Variants in FBXO32 observed in about 807,000 individuals in gnomAD.
The protein encoded by FBXO32 is F-box only protein 32.
Under a neutral mutation model 48.3 loss-of-function variants are expected in FBXO32, and 15 were observed. The ratio of observed to expected loss-of-function variants is 0.31; its 90% CI spans 0.21 to 0.48. FBXO32 has a LOEUF of 0.48. Ranked by LOEUF, FBXO32 falls within the 20% of genes least tolerant of loss-of-function variation. FBXO32 has a pLI of 0.99. For missense variants in FBXO32, 309 were observed against 432.7 expected, an observed-to-expected ratio of 0.71 and a Z score of 2.54; for synonymous variants, 154 against 165.9, an observed-to-expected ratio of 0.93 and a Z score of 0.55.
At chr8:123,531,107 G>A (rs1817198574) in intron 4 of FBXO32, among the ~76,000 whole-genome samples, 1 of 150,664 alleles carries the variant, frequency 6.6e-6, no homozygotes. Flanking sequence ...AGCCTCCCAA[G>A]TAGCTGGGAT....
rs141560366 is a variant in FBXO32 at position 123,526,071 on chromosome 8, T to A, written c.372+5827A>T. ...GTGTTTATAAACTTCTTACTACACA[T>A]GACTAACACTCATAAACTGCTTATC... On this transcript the variant is annotated intron_variant, in intron 4 of 8. Transcript: ENST00000517956. Among the ~76,000 whole-genome samples, 6 of 152,252 alleles carry A rather than the reference T, an allele frequency of 3.9e-5. No homozygotes were observed. In the East Asian group the frequency reaches 1.2e-3, roughly 29 times the overall value.
chr8:123,527,611 A>G (rs1399726469), intron 4 of FBXO32, among the ~76,000 whole-genome samples: 2 of 152,220 alleles, frequency 1.3e-5, no homozygotes, highest in African/African-American at 4.8e-5. Context: ...CCCCAACTGT[A>G]TCTGGCCCAT....
intron 4 of FBXO32, among the ~76,000 whole-genome samples, chr8:123,518,729 T>C (rs1816888691): frequency 6.6e-6 from 1 of 152,218 alleles, no homozygotes; most frequent in Non-Finnish European, 1.5e-5. Context: ...TTGAGGATAT[T>C]GAGGCTCAGA....
At chr8:123,524,028 A>G (rs1170975993) in intron 4 of FBXO32, among the ~76,000 whole-genome samples, 3 of 152,210 alleles carry the variant, frequency 2.0e-5, no homozygotes, top group African/African-American at 7.2e-5. Context: ...TATGAGTTAT[A>G]AGTGAATTTA....
intron 4 of FBXO32, among the ~76,000 whole-genome samples, chr8:123,515,458 A>T (rs1816821541): frequency 6.8e-6 from 1 of 147,390 alleles, no homozygotes. Flanking sequence ...CACGTTGGCC[A>T]GGCTGCTCTC....
intron 6 of FBXO32, among the ~76,000 whole-genome samples, chr8:123,510,836 C>T (rs772099146): frequency 6.6e-6 from 1 of 152,122 alleles, no homozygotes; most frequent in Non-Finnish European, 1.5e-5. Flanking sequence ...GTTTATAAGC[C>T]CATGGACAGA....
chr8:123,540,304 C>G lies in FBXO32; in HGVS notation c.116+595G>C, dbSNP rs1327254558. 6.6e-6 allele frequency among the ~76,000 whole-genome samples: 1 copy of G among 152,226 alleles called. No individual in the cohort carries two copies. The highest frequency in any genetic ancestry group is 1.5e-5 in the Non-Finnish European group (1 of 68,042). ...TCTGCAGCCCCAAGCCTCCACCGCT[C>G]GCAAGTCCGCCCAGTAAGCGGCTGC... On this transcript the variant is annotated intron_variant, in intron 1 of 8. Transcript: ENST00000517956. This position sits in a 1 kb window ranked among gnomAD's most constrained non-coding sequence, Gnocchi z 6.4.
At chr8:123,516,436 G>A (rs7000759) in intron 4 of FBXO32, among the ~76,000 whole-genome samples, 8,485 of 152,188 alleles carry the variant, frequency 0.056, 303 homozygotes, top group African/African-American at 0.099. Context: ...CCTCAGCCCA[G>A]CTTCATTTCA....
rs1816632424 is a variant in FBXO32, at chr8:123,506,718, C to T, written c.652-144G>A. ...GGTCGAAAGCAGTAGTAAATCTCCC[C>T]ATCCTAAATGCAGACAGGAGACCAT... On this transcript the variant is annotated intron_variant, in intron 6 of 8. Transcript: ENST00000517956. The surrounding 1 kb of genome is among the most constrained non-coding windows in gnomAD (Gnocchi z 4.0). 1 of 662,270 alleles carries T rather than the reference C, an allele frequency of 1.5e-6. No homozygotes were observed. Among genetic ancestry groups the T allele is most frequent in the Non-Finnish European group, 2.6e-6 (1 of 382,614 alleles). The allele number at this position is 662,270 out of a possible 1,614,324, so 41.0% of individuals were successfully genotyped here. A position where few individuals can be genotyped will look rare whatever the true frequency, so the allele number is the denominator to read the frequency against.
intron 4 of FBXO32, 35 bp downstream of exon 4, chr8:123,531,863 G>A (rs772216785): frequency 6.2e-7 from 1 of 1,607,126 alleles, no homozygotes; most frequent in Non-Finnish European, 8.5e-7. Flanking sequence ...ACTTGGGAAA[G>A]AGCCTGGATG....
chr8:123,529,132 G>A (rs1272083917), intron 4 of FBXO32, among the ~76,000 whole-genome samples: 2 of 152,102 alleles, frequency 1.3e-5, no homozygotes, highest in Non-Finnish European at 2.9e-5. Context: ...GGGAAAAATT[G>A]TTCTTTGCAA....
At chr8:123,533,809 C>T (rs1235600869) in intron 2 of FBXO32, among the ~76,000 whole-genome samples, 1 of 150,414 alleles carries the variant, frequency 6.6e-6, no homozygotes, top group Non-Finnish European at 1.5e-5. Flanking sequence ...CTCCGTCCCC[C>T]CGCAAAAATG....
At position 123,540,374 on chromosome 8, in the gene FBXO32, G is replaced by A. The variant is rs139804283; in HGVS notation, c.116+525C>T. On this transcript the variant is annotated intron_variant, in intron 1 of 8. Transcript: ENST00000517956. The surrounding 1 kb of genome is among the most constrained non-coding windows in gnomAD (Gnocchi z 6.4). ...TCCCTTCCTGGTTACTCATCCTCCC[G>A]GCCACTTCGTGGTTGCCCGTGCCTG... Among the ~76,000 whole-genome samples the A allele has an allele frequency of 8.0e-4, 122 of 152,330 alleles. 2 individuals carry two copies. The East Asian group carries it at 9.3e-3, about 12-fold the overall frequency.
At chr8:123,512,008 T>C (rs1010141306) in intron 6 of FBXO32, among the ~76,000 whole-genome samples, 2 of 152,232 alleles carry the variant, frequency 1.3e-5, no homozygotes, top group African/African-American at 4.8e-5. Context: ...GGTCAGACTA[T>C]CTGCCTACAC....
rs1348696770 is a variant in FBXO32 at position 123,539,914 on chromosome 8, G to GC, written c.116+984dup. ...AGTCCATTCTGGAATCACTTTCATCGCCCCCGCTCACCGGGCTAAATGCTG... is the reference window on the plus strand; with the variant it reads ...AGTCCATTCTGGAATCACTTTCATCGCCCCCCGCTCACCGGGCTAAATGCTG... On this transcript the variant is annotated intron_variant, in intron 1 of 8. Transcript: ENST00000517956. Among the ~76,000 whole-genome samples the GC allele has an allele frequency of 2.2e-4, 34 of 152,222 alleles. No individual in the cohort carries two copies. In the Middle Eastern group the frequency reaches 0.014, roughly 61 times the overall value.
chr8:123,519,641 G>A (rs1469179855), intron 4 of FBXO32, among the ~76,000 whole-genome samples: 1 of 151,730 alleles, frequency 6.6e-6, no homozygotes, highest in Non-Finnish European at 1.5e-5. Context: ...TGCTCAGAAA[G>A]TGCTACCAGC....
chr8:123,504,600 A>C lies in FBXO32; in HGVS notation c.978+4T>G. ...TCTGTGGCAGCCACCTCTGAGACAC[A>C]TACCTTCCAGGAAAGGATGTGACAG... On this transcript the variant is annotated splice_donor_region_variant and intron_variant, in intron 8 of 8. Coordinates refer to ENST00000517956, the MANE Select transcript of FBXO32 (RefSeq NM_058229.4). 1 of 1,612,218 alleles carries C rather than the reference A, an allele frequency of 6.2e-7. No homozygotes were observed. Among genetic ancestry groups the C allele is most frequent in the Non-Finnish European group, 8.5e-7 (1 of 1,179,198 alleles).
At chr8:123,530,061 G>A (rs187473516) in intron 4 of FBXO32, among the ~76,000 whole-genome samples, 79 of 152,248 alleles carry the variant, frequency 5.2e-4, no homozygotes, top group African/African-American at 1.8e-3. Flanking sequence ...GGTGACCTCC[G>A]TGAACTTGCA....
chr8:123,540,806 G>T lies in FBXO32; in HGVS notation c.116+93C>A. ...GGGTCTCCCTCCTCAGCCCGCTCCA[G>T]CCCTGCCTGCCCCTCATTCGCCGTC... On this transcript the variant is annotated intron_variant, in intron 1 of 8. Transcript: ENST00000517956. The surrounding 1 kb of genome is among the most constrained non-coding windows in gnomAD (Gnocchi z 6.4). 9.1e-7 allele frequency: 1 copy of T among 1,095,318 alleles called. No individual in the cohort carries two copies. The highest frequency in any genetic ancestry group is 1.3e-6 in the Non-Finnish European group (1 of 743,612). The allele number at this position is 1,095,318 out of a possible 1,614,324, so 67.8% of individuals were successfully genotyped here.
Sources: gnomAD v4.1 joint callset for allele counts (sites outside exome capture counted in the v4.1 genomes callset) on GRCh38, gnomAD v4.1.1 for gene constraint, Gnocchi (gnomAD v3.1) non-coding constraint, MANE v1.5 for transcripts, NCBI Gene and HGNC (gene_info 2026-07-23, HGNC 2026-07-21) for gene names.